Variants in DMD observed in about 807,000 individuals in gnomAD.
DMD encodes dystrophin, also known as mutant dystrophin.
In DMD, 63 loss-of-function variants were observed where a neutral mutation model predicts 330.1. The observed-to-expected ratio is 0.19, with a 90% CI of 0.16 to 0.24. DMD has a LOEUF of 0.24. DMD is among the 10% of genes least tolerant of loss of function. DMD has a pLI of 1.00. For synonymous variants in DMD, 1,223 were observed against 959.8 expected (o/e 1.27, Z -5.07); for missense variants, 3,344 against 2,684.1 (o/e 1.25, Z -5.43).
intron 7 of DMD, among the ~76,000 whole-genome samples, chrX:32,708,453 G>A (rs1408024467): frequency 9.0e-6 from 1 of 111,348 alleles, no homozygotes; most frequent in African/African-American, 3.3e-5. Flanking sequence ...TCTATAAAAT[G>A]AGTCATATTA....
At chrX:31,819,301 C>A (rs746088570) in intron 50 of DMD, among the ~76,000 whole-genome samples, 145 of 112,243 alleles carry the variant, frequency 1.3e-3, no homozygotes, top group African/African-American at 4.6e-3. Flanking sequence ...TGTGGTCCTC[C>A]CAATCCATTT....
At chrX:32,361,990 C>A (rs368681325) in intron 37 of DMD, among the ~76,000 whole-genome samples, 1 of 111,346 alleles carries the variant, frequency 9.0e-6, no homozygotes, top group East Asian at 2.8e-4. Context: ...TCCCAAAGAG[C>A]TGAAATTCTA....
At chrX:33,114,066 A>T (rs983213230) in intron 1 of DMD, among the ~76,000 whole-genome samples, 5 of 110,352 alleles carry the variant, frequency 4.5e-5, no homozygotes, top group Non-Finnish European at 9.5e-5. Context: ...TAATATCCTC[A>T]ATCTGGTATT....
chrX:32,861,041 C>G (rs757769002), intron 2 of DMD, among the ~76,000 whole-genome samples: 14 of 111,774 alleles, frequency 1.3e-4, no homozygotes, highest in Non-Finnish European at 2.6e-4. Context: ...ACCCAGAATG[C>G]CTTGGGTTCA....
intron 43 of DMD, among the ~76,000 whole-genome samples, chrX:32,279,963 A>AT (rs1569555700): frequency 1.9e-5 from 1 of 52,405 alleles, no homozygotes; most frequent in East Asian, 5.5e-4. Flanking sequence ...TATATGTGTA[A>AT]CCCATATATA....
At chrX:31,568,389 CTGTT>C (rs765996350) in intron 55 of DMD, among the ~76,000 whole-genome samples, 291 of 111,101 alleles carry the variant, frequency 2.6e-3, no homozygotes, top group Non-Finnish European at 4.1e-3. Context: ...ATGGATTTGT[CTGTT>C]TCTTTTTTCA....
chrX:31,231,618 G>A lies in DMD; in HGVS notation c.9287-8497C>T, dbSNP rs1489553550. On this transcript the variant is annotated intron_variant, in intron 63 of 78. Transcript: ENST00000357033. The stretch of plus-strand genomic sequence containing the variant: ...ATGTAGGCCAGGTGCGGTGGCTCGC[G>A]CCTGTAATCCCAGCCTTTGGGAGGC... 8.9e-5 allele frequency among the ~76,000 whole-genome samples: 10 copies of A among 112,601 alleles called. No homozygotes were observed. The East Asian group carries it at 1.1e-3, about 13-fold the overall frequency.
chrX:33,053,224 T>C (rs1337785715), intron 1 of DMD, among the ~76,000 whole-genome samples: 1 of 111,698 alleles, frequency 9.0e-6, no homozygotes, highest in Non-Finnish European at 1.9e-5. Flanking sequence ...TAAATGCCCA[T>C]ACTTTTTAGA....
chrX:33,237,468 C>T (rs182213368), intron 1 of DMD, among the ~76,000 whole-genome samples: 77 of 110,463 alleles, frequency 7.0e-4, no homozygotes, highest in Admixed American at 2.8e-3. Flanking sequence ...TGGACTTGAA[C>T]TCCTGACCTC....
rs1299730492 is a variant in DMD, at chrX:32,248,631, A to C, written c.6291-31568T>G. 3.6e-5 allele frequency among the ~76,000 whole-genome samples: 4 copies of C among 110,291 alleles called. No homozygotes were observed. In the Admixed American group the frequency reaches 3.9e-4, roughly 11 times the overall value. On this transcript the variant is annotated intron_variant, in intron 43 of 78. Transcript: ENST00000357033. ...AACAAAGAAACAAAGTAATTAACTC[A>C]TTGCAAACACAATACTATTAATTTT...
In DMD at chrX:31,404,576, C is replaced by T. The variant is rs112553120; in HGVS notation, c.9084+39905G>A. ...AATCATTCACCAGGAGGCTGAATGT[C>T]GAAGAATTATAAAATTGCATTTAGA... On this transcript the variant is annotated intron_variant, in intron 60 of 78. Coordinates refer to ENST00000357033, the MANE Select transcript of DMD (RefSeq NM_004006.3). Among the ~76,000 whole-genome samples, 616 of 111,575 alleles carry T rather than the reference C, an allele frequency of 5.5e-3. 1 individual carries two copies. Among genetic ancestry groups the T allele is most frequent in the Non-Finnish European group, 7.7e-3 (406 of 53,005 alleles).
intron 45 of DMD, among the ~76,000 whole-genome samples, chrX:31,967,853 T>C (rs149583829): frequency 0.032 from 3,539 of 111,843 alleles, 52 homozygotes; most frequent in Non-Finnish European, 0.05. Context: ...CTTGTACCTC[T>C]TTGGCTCAAG....
At chrX:33,162,138 C>T (rs1018404718) in intron 1 of DMD, among the ~76,000 whole-genome samples, 1 of 111,623 alleles carries the variant, frequency 9.0e-6, no homozygotes, top group Non-Finnish European at 1.9e-5. Context: ...TGTAAGTTGT[C>T]AAATTTCAAA....
chrX:32,353,352 T>TAATA (rs1203622051), intron 37 of DMD, among the ~76,000 whole-genome samples: 1 of 111,937 alleles, frequency 8.9e-6, no homozygotes, highest in East Asian at 2.8e-4. Flanking sequence ...AGGAAACATG[T>TAATA]AATAAGAAAG....
chrX:31,461,572 C>G (rs187232843), intron 59 of DMD, among the ~76,000 whole-genome samples: 1 of 111,858 alleles, frequency 8.9e-6, no homozygotes, highest in East Asian at 2.8e-4. Context: ...AGGCCATTTT[C>G]TTACTAATAG....
intron 61 of DMD, among the ~76,000 whole-genome samples, chrX:31,324,792 G>A (rs1489071852): frequency 2.7e-5 from 3 of 111,916 alleles, no homozygotes; most frequent in Non-Finnish European, 5.6e-5. Flanking sequence ...AGTGTATTGA[G>A]ATGTAAGAAA....
chrX:32,650,390 C>A (rs914373284), intron 9 of DMD, among the ~76,000 whole-genome samples: 1 of 111,517 alleles, frequency 9.0e-6, no homozygotes, highest in Non-Finnish European at 1.9e-5. Flanking sequence ...TAAGTCAATG[C>A]ATGGATGGTG....
intron 49 of DMD, among the ~76,000 whole-genome samples, chrX:31,833,379 G>C (rs781108913): frequency 1.2e-4 from 13 of 106,256 alleles, no homozygotes; most frequent in Non-Finnish European, 2.5e-4. Flanking sequence ...GAGAGAGAGA[G>C]AGACAGAGAG....
chrX:32,746,975 C>A (rs749266060), intron 7 of DMD, among the ~76,000 whole-genome samples: 4 of 111,844 alleles, frequency 3.6e-5, no homozygotes, highest in Admixed American at 9.5e-5. Context: ...TCTTCGTGCC[C>A]GACTTATTTC....
Sources: allele counts gnomAD v4.1 joint callset (sites outside exome capture counted in the v4.1 genomes callset), GRCh38; gene constraint gnomAD v4.1.1; transcripts MANE v1.5; gene names NCBI Gene and HGNC (gene_info 2026-07-23, HGNC 2026-07-21).